Variants in PPP1R42 observed in about 807,000 individuals in gnomAD.
The protein encoded by PPP1R42 is leucine rich repeat containing 67.
PPP1R42 carries 34 observed loss-of-function variants against 31.0 expected under a neutral mutation model. That is an observed-to-expected ratio of 1.10 (90% CI 0.83 to 1.46). PPP1R42 has a LOEUF of 1.46. Among genes scored for constraint, PPP1R42 ranks in the 40% most tolerant of loss-of-function variants. The pLI is 0.00. For missense variants in PPP1R42, 268 were observed against 303.0 expected (o/e 0.88, Z 0.86); for synonymous variants, 103 against 109.8 (o/e 0.94, Z 0.39).
intron 7 of PPP1R42, among the ~76,000 whole-genome samples, chr8:66,979,408 G>T (rs980424346): frequency 6.6e-6 from 1 of 152,166 alleles, no homozygotes; most frequent in Non-Finnish European, 1.5e-5. Context: ...GGTTGCACAC[G>T]CCTGTCATCT....
chr8:66,991,339 T>G (rs1423069003), intron 5 of PPP1R42, among the ~76,000 whole-genome samples: 2 of 152,334 alleles, frequency 1.3e-5, no homozygotes, highest in East Asian at 3.9e-4. Context: ...TATTGTAAAT[T>G]GTTGTTAAAC....
At chr8:67,023,275 T>C (rs561168464) in intron 1 of PPP1R42, among the ~76,000 whole-genome samples, 9 of 152,140 alleles carry the variant, frequency 5.9e-5, no homozygotes, top group Non-Finnish European at 1.2e-4. Context: ...CATGCCCAGC[T>C]AATTTTTGTA....
At chr8:66,982,767 A>G (rs1814881536) in intron 6 of PPP1R42, among the ~76,000 whole-genome samples, 1 of 151,224 alleles carries the variant, frequency 6.6e-6, no homozygotes, top group South Asian at 2.1e-4. Flanking sequence ...CATACCCCTT[A>G]TTATGTTTGT....
At chr8:66,971,114 C>T (rs1052462765) in intron 7 of PPP1R42, 1 of 1,526,260 alleles carries the variant, frequency 6.6e-7, no homozygotes, top group African/African-American at 1.4e-5. Flanking sequence ...TAAACAGGAA[C>T]TATATGATGC....
At chr8:66,971,450 T>C (rs139282191) in intron 7 of PPP1R42, among the ~76,000 whole-genome samples, 3,607 of 152,210 alleles carry the variant, frequency 0.024, 56 homozygotes, top group Admixed American at 0.044. Context: ...TTGTAGGGAG[T>C]AAATTAATCG....
rs1416960234 is a variant in PPP1R42, at chr8:66,982,051, A to G, written c.800T>C (p.Ile267Thr). Reference sequence around the variant, plus strand: ...CTAATGAGTGACAGAGTGCTTACTTATGAGTGAATTGCTTGCATCCTCATT... The same window carrying G: ...CTAATGAGTGACAGAGTGCTTACTTGTGAGTGAATTGCTTGCATCCTCATT... The part of the protein sequence containing the change: ...SKNEDASNSL[I>T]RISL The change falls in exon 7 of 8, where the codon ATA becomes ACA. Residue 267 changes from isoleucine (I) to threonine (T), a missense_variant and splice_region_variant. Coordinates refer to ENST00000685739, the MANE Select transcript of PPP1R42 (RefSeq NM_001364910.1). 1 of 1,439,888 alleles carries G rather than the reference A, an allele frequency of 6.9e-7. No homozygotes were observed. Among genetic ancestry groups the G allele is most frequent in the Non-Finnish European group, 9.0e-7 (1 of 1,105,936 alleles). The allele number at this position is 1,439,888 out of a possible 1,614,324, so 89.2% of individuals were successfully genotyped here. A position where few individuals can be genotyped will look rare whatever the true frequency, so the allele number is the denominator to read the frequency against.
chr8:66,976,539 C>T (rs1282805377), intron 7 of PPP1R42, among the ~76,000 whole-genome samples: 1 of 151,616 alleles, frequency 6.6e-6, no homozygotes, highest in East Asian at 1.9e-4. Context: ...CTTCCCTTGC[C>T]TTATTCCCTC....
chr8:66,982,327 C>G (rs966605764), intron 6 of PPP1R42, 147 bp from the exon 7 acceptor site: 6 of 404,758 alleles, frequency 1.5e-5, no homozygotes, highest in East Asian at 1.1e-4. Flanking sequence ...TTATACAACG[C>G]ATGTACTTTT....
chr8:66,966,603 G>A (rs768399143), intron 7 of PPP1R42, among the ~76,000 whole-genome samples: 4 of 152,064 alleles, frequency 2.6e-5, no homozygotes, highest in Non-Finnish European at 5.9e-5. Context: ...GGCTAACACG[G>A]TGAAATCCCA....
rs546083975 is a variant in PPP1R42, at chr8:67,020,006, A to G, written c.-84-2175T>C. Reference sequence around the variant, plus strand: ...ACCAGGTCTCTTGGCTCCTTTTCCCATAGTACCCATAGAGACCATATGTCT... The same window carrying G: ...ACCAGGTCTCTTGGCTCCTTTTCCCGTAGTACCCATAGAGACCATATGTCT... On this transcript the variant is annotated intron_variant, in intron 1 of 7. Coordinates refer to ENST00000685739, the MANE Select transcript of PPP1R42 (RefSeq NM_001364910.1). Among the ~76,000 whole-genome samples the G allele has an allele frequency of 2.0e-5, 3 of 152,324 alleles. No individual in the cohort carries two copies. In the East Asian group the frequency reaches 5.8e-4, roughly 29 times the overall value.
intron 5 of PPP1R42, among the ~76,000 whole-genome samples, chr8:66,996,915 G>A (rs1815347806): frequency 6.6e-6 from 1 of 152,182 alleles, no homozygotes; most frequent in African/African-American, 2.4e-5. Context: ...ACTTTGGGAG[G>A]CTGAGGCAGG....
At chr8:66,967,191 C>A (rs536117836) in intron 7 of PPP1R42, among the ~76,000 whole-genome samples, 4 of 151,942 alleles carry the variant, frequency 2.6e-5, no homozygotes, top group East Asian at 3.9e-4. Flanking sequence ...AGGCTGGTTT[C>A]GAACTCCTGG....
intron 3 of PPP1R42, among the ~76,000 whole-genome samples, chr8:67,014,209 TTAATAA>T (rs1204119604): frequency 6.6e-6 from 1 of 152,164 alleles, no homozygotes; most frequent in Non-Finnish European, 1.5e-5. Flanking sequence ...TTACTTCTTG[TTAATAA>T]TAGTAGGAGA....
In PPP1R42 at chr8:67,017,725, A is replaced by G. The variant is rs1482310009; in HGVS notation, c.23T>C (p.Leu8Pro). 12 of 1,597,884 alleles carry G rather than the reference A, an allele frequency of 7.5e-6. No individual in the cohort carries two copies. The highest frequency in any genetic ancestry group is 1.0e-5 in the Non-Finnish European group (12 of 1,172,676). MVRLTLD[L>P]IARNSNLKPR... ...TTTAAGATTGCTGTTTCTGGCAATT[A>G]GATCCAAGGTCAGTCGAACCATAAT... The change falls in exon 2 of 8, where the codon CTA becomes CCA. Residue 8 changes from leucine to proline, a missense_variant. Physicochemically the swap from Leu to Pro is moderately conservative, Grantham distance 98. Coordinates refer to ENST00000685739, the MANE Select transcript of PPP1R42 (RefSeq NM_001364910.1).
chr8:67,007,956 G>C (rs1305695127), intron 5 of PPP1R42, among the ~76,000 whole-genome samples: 1 of 144,854 alleles, frequency 6.9e-6, no homozygotes, highest in East Asian at 2.0e-4. Flanking sequence ...GGCAGATCTC[G>C]GCTCACTGCA....
In PPP1R42 at chr8:67,014,564, C is replaced by A; in HGVS notation, c.158G>T (p.Ser53Ile). The A allele has an allele frequency of 6.5e-7, 1 of 1,534,440 alleles. No individual in the cohort carries two copies. The highest frequency in any genetic ancestry group is 1.4e-5 in the African/African-American group (1 of 71,664). Residue 53 changes from serine to isoleucine, a missense_variant, in exon 3 of 8, where the codon AGT becomes ATT. Physicochemically the swap from Ser to Ile is moderately radical, Grantham distance 142 (BLOSUM62 -2). Coordinates refer to ENST00000685739, the MANE Select transcript of PPP1R42 (RefSeq NM_001364910.1). ...ACAATTATCATATAAATATAAAACA[C>A]TAAGATTTTTGCAAAGAGAGAGGTC... is the stretch of plus-strand genomic sequence containing the variant. ...IEDLSLCKNL[S>I]VLYLYDNCIS...
chr8:67,019,640 C>T (rs572268267), intron 1 of PPP1R42, among the ~76,000 whole-genome samples: 1 of 151,940 alleles, frequency 6.6e-6, no homozygotes, highest in African/African-American at 2.4e-5. Flanking sequence ...AAACTAAGTC[C>T]CCAGCACTTT....
At chr8:66,976,549 C>T (rs1814679113) in intron 7 of PPP1R42, among the ~76,000 whole-genome samples, 1 of 151,620 alleles carries the variant, frequency 6.6e-6, no homozygotes, top group Non-Finnish European at 1.5e-5. Flanking sequence ...CTTATTCCCT[C>T]TGGCCTTCCC....
intron 4 of PPP1R42, 106 bp from the exon 5 acceptor site, chr8:67,010,937 G>A: frequency 1.9e-6 from 2 of 1,069,664 alleles, no homozygotes; most frequent in South Asian, 2.4e-5. Context: ...AGTTCAGGTT[G>A]TTTTGTTCTT....
Sources: allele counts gnomAD v4.1 joint callset (sites outside exome capture counted in the v4.1 genomes callset), GRCh38; gene constraint gnomAD v4.1.1; transcripts MANE v1.5; gene names NCBI Gene and HGNC (gene_info 2026-07-23, HGNC 2026-07-21).